LYRM4: variants seen among roughly 807,000 people sequenced by gnomAD.
LYRM4 encodes the protein LYR motif containing 4, also known as LYR motif-containing protein 4.
LYRM4 carries 9 observed loss-of-function variants against 11.7 expected under a neutral mutation model. That is an observed-to-expected ratio of 0.77 (90% CI 0.46 to 1.34). The LOEUF (loss-of-function observed/expected upper bound fraction) is 1.34. Among genes scored for constraint, LYRM4 ranks in the 40% most tolerant of loss-of-function variants. The pLI, the probability that LYRM4 is intolerant of heterozygous loss-of-function variation, is 0.00. For missense variants in LYRM4, 133 were observed against 112.5 expected, an observed-to-expected ratio of 1.18 and a Z score of -0.82; for synonymous variants, 42 against 40.4, an observed-to-expected ratio of 1.04 and a Z score of -0.15.
At chr6:5,216,776 G>A in intron 1 of LYRM4, 38 bp from the exon 2 acceptor site, 1 of 1,600,572 alleles carries the variant, frequency 6.2e-7, no homozygotes, top group Middle Eastern at 1.7e-4. Flanking sequence ...AAAGGTGTCA[G>A]CGTGTCTGAG....
the LYRM4 span, among the ~76,000 whole-genome samples, chr6:5,049,867 A>T: frequency 3.3e-5 from 5 of 152,184 alleles, no homozygotes; most frequent in Admixed American, 3.3e-4. Context: ...ACGGGGTTTC[A>T]TCATGTTGGC....
At chr6:5,079,860 A>G in the LYRM4 span, among the ~76,000 whole-genome samples, 1 of 152,198 alleles carries the variant, frequency 6.6e-6, no homozygotes, top group African/African-American at 2.4e-5. Flanking sequence ...AGGAAGCAGA[A>G]TTTTTCACCA....
At chr6:5,037,643 T>C in the LYRM4 span, among the ~76,000 whole-genome samples, 126 of 23,704 alleles carry the variant, frequency 5.3e-3, no homozygotes, top group African/African-American at 8.9e-3. Flanking sequence ...GGGGGGCTGA[T>C]CCCCCCACCT....
intron 2 of LYRM4, among the ~76,000 whole-genome samples, chr6:5,198,477 CTA>C (rs1304921900): frequency 2.6e-5 from 4 of 152,176 alleles, no homozygotes; most frequent in African/African-American, 9.7e-5. Flanking sequence ...TGAAAGGACT[CTA>C]TGAGGTACCA....
chr6:5,064,931 G>A, the LYRM4 span, among the ~76,000 whole-genome samples: 3 of 152,080 alleles, frequency 2.0e-5, no homozygotes, highest in Non-Finnish European at 4.4e-5. Context: ...TAGTCTCGGT[G>A]TTGCACATCC....
At chr6:5,253,414 T>C (rs1764520833) in intron 1 of LYRM4, among the ~76,000 whole-genome samples, 2 of 151,440 alleles carry the variant, frequency 1.3e-5, no homozygotes, top group East Asian at 1.9e-4. Flanking sequence ...ATCATTTTAA[T>C]GGGCAATTCT....
At chr6:5,208,028 T>C (rs1324601220) in intron 2 of LYRM4, among the ~76,000 whole-genome samples, 3 of 152,184 alleles carry the variant, frequency 2.0e-5, no homozygotes, top group East Asian at 3.8e-4. Flanking sequence ...CCTAATTGTG[T>C]GTCCTTGGGA....
chr6:5,148,461 T>C (rs1757878531), intron 2 of LYRM4: 1 of 170,242 alleles, frequency 5.9e-6, no homozygotes. Context: ...ATCGTAATCC[T>C]GAGCTGGGCT....
At chr6:5,082,856 C>T in the LYRM4 span, among the ~76,000 whole-genome samples, 1 of 152,214 alleles carries the variant, frequency 6.6e-6, no homozygotes, top group South Asian at 2.1e-4. Flanking sequence ...CAGTCCAGCC[C>T]CCTGACACTC....
intron 2 of LYRM4, among the ~76,000 whole-genome samples, chr6:5,178,350 C>T (rs1454148836): frequency 6.6e-6 from 1 of 151,704 alleles, no homozygotes; most frequent in Non-Finnish European, 1.5e-5. Flanking sequence ...TTGGAATAAA[C>T]AGACAGACCC....
intron 2 of LYRM4, among the ~76,000 whole-genome samples, chr6:5,138,389 T>C (rs925339668): frequency 1.5e-5 from 2 of 137,928 alleles, no homozygotes; most frequent in Non-Finnish European, 3.0e-5. Context: ...GAGGCTGAGG[T>C]GGGAGGATCA....
At chr6:5,231,919 C>G (rs1763265080) in intron 1 of LYRM4, among the ~76,000 whole-genome samples, 1 of 152,170 alleles carries the variant, frequency 6.6e-6, no homozygotes, top group African/African-American at 2.4e-5. Flanking sequence ...TGTGAATCAT[C>G]CAGTAGGTGT....
chr6:5,169,191 GTA>G (rs1433669204), intron 2 of LYRM4, among the ~76,000 whole-genome samples: 2 of 152,128 alleles, frequency 1.3e-5, no homozygotes, highest in Non-Finnish European at 2.9e-5. Flanking sequence ...AGCCTCTAGA[GTA>G]GCGGTGATTA....
At chr6:5,044,702 T>G in the LYRM4 span, among the ~76,000 whole-genome samples, 1 of 152,234 alleles carries the variant, frequency 6.6e-6, no homozygotes, top group Admixed American at 6.5e-5. Context: ...TTCATGGTGC[T>G]AAACTGTCCT....
chr6:5,187,008 A>G (rs1162914900), intron 2 of LYRM4: 3 of 950,506 alleles, frequency 3.2e-6, no homozygotes, highest in Admixed American at 6.2e-5. Flanking sequence ...ATTGTCTATA[A>G]AAGAATAGTA....
At chr6:5,129,935 A>G (rs1763873455) in intron 2 of LYRM4, among the ~76,000 whole-genome samples, 1 of 152,234 alleles carries the variant, frequency 6.6e-6, no homozygotes, top group Admixed American at 6.5e-5. Flanking sequence ...ACGGGTGGGA[A>G]GGCAGCTGTG....
At chr6:5,109,858 G>A (rs1762799143) in intron 2 of LYRM4, among the ~76,000 whole-genome samples, 1 of 152,204 alleles carries the variant, frequency 6.6e-6, no homozygotes, top group Non-Finnish European at 1.5e-5. Flanking sequence ...ACTGATTCTC[G>A]CATAGGGAAG....
chr6:5,056,936 T>C, the LYRM4 span, among the ~76,000 whole-genome samples: 1 of 152,192 alleles, frequency 6.6e-6, no homozygotes, highest in Non-Finnish European at 1.5e-5. Flanking sequence ...CAAAGCAACG[T>C]CATACATTGG....
At chr6:5,051,689 G>A in the LYRM4 span, among the ~76,000 whole-genome samples, 2 of 152,192 alleles carry the variant, frequency 1.3e-5, no homozygotes, top group African/African-American at 2.4e-5. Context: ...AGTCTGTTGT[G>A]TGTTGCTATA....
Sources: allele counts gnomAD v4.1 joint callset (sites outside exome capture counted in the v4.1 genomes callset), GRCh38; gene constraint gnomAD v4.1.1; transcripts MANE v1.5; gene names NCBI Gene and HGNC (gene_info 2026-07-23, HGNC 2026-07-21).